The following BMAL2 variants were observed in gnomAD, a reference collection of about 807,000 sequenced individuals.
BMAL2 encodes the protein basic helix-loop-helix ARNT-like protein 2.
the BMAL2 span, among the ~76,000 whole-genome samples, chr12:27,345,174 A>G: frequency 0.46 from 69,273 of 151,984 alleles, 15,990 homozygotes; most frequent in Admixed American, 0.52. Context: ...CAATATGTTT[A>G]TAGATTTCCT....
At chr12:27,336,947 C>CAAAAAAAAAAAA in the BMAL2 span, among the ~76,000 whole-genome samples, 1 of 73,822 alleles carries the variant, frequency 1.4e-5, no homozygotes, top group African/African-American at 5.4e-5. Flanking sequence ...GAGACTGTCT[C>CAAAAAAAAAAAA]AAAAAAAAAA....
the BMAL2 span, among the ~76,000 whole-genome samples, chr12:27,352,043 C>T: frequency 6.6e-6 from 1 of 152,076 alleles, no homozygotes; most frequent in Non-Finnish European, 1.5e-5. Flanking sequence ...TTAGCTGTTC[C>T]CTTGTTTGTC....
the BMAL2 span, among the ~76,000 whole-genome samples, chr12:27,350,994 C>CCCCCCCCCT: frequency 1.1e-5 from 1 of 94,276 alleles, no homozygotes; most frequent in African/African-American, 4.3e-5. Flanking sequence ...CCCACCCCCC[C>CCCCCCCCCT]TTTTTTTTTT....
the BMAL2 span, among the ~76,000 whole-genome samples, chr12:27,402,342 C>T: frequency 2.0e-5 from 3 of 152,128 alleles, no homozygotes; most frequent in East Asian, 5.8e-4. Flanking sequence ...TTTCCTGTCA[C>T]CCATCCCAGT....
At chr12:27,344,302 G>A in the BMAL2 span, among the ~76,000 whole-genome samples, 12 of 152,198 alleles carry the variant, frequency 7.9e-5, no homozygotes, top group African/African-American at 2.9e-4. Context: ...GATCTTCTGG[G>A]AGGGAGTGTG....
the BMAL2 span, among the ~76,000 whole-genome samples, chr12:27,418,977 T>TA: frequency 0.04 from 5,886 of 147,454 alleles, 158 homozygotes; most frequent in East Asian, 0.12. Flanking sequence ...AGACTCCATC[T>TA]AAAAAAAAAA....
chr12:27,342,508 G>A, the BMAL2 span, among the ~76,000 whole-genome samples: 4 of 152,314 alleles, frequency 2.6e-5, no homozygotes, highest in South Asian at 6.2e-4. Flanking sequence ...TTGAATACTT[G>A]ACAGAGGGCA....
At chr12:27,372,321 A>G in the BMAL2 span, among the ~76,000 whole-genome samples, 8 of 151,702 alleles carry the variant, frequency 5.3e-5, no homozygotes, top group African/African-American at 1.9e-4. Flanking sequence ...AGTTTCATCC[A>G]TATTATAGTA....
At chr12:27,417,947 C>A in the BMAL2 span, 1 of 455,314 alleles carries the variant, frequency 2.2e-6, no homozygotes, top group South Asian at 5.7e-5. Context: ...GAACCGAGAT[C>A]ATGCCGCTGC....
the BMAL2 span, among the ~76,000 whole-genome samples, chr12:27,416,874 G>A: frequency 3.9e-3 from 596 of 152,274 alleles, 1 homozygote; most frequent in African/African-American, 0.013. Context: ...GAGTCAGGAG[G>A]ATCACTTGAG....
At chr12:27,362,753 C>T in the BMAL2 span, among the ~76,000 whole-genome samples, 19 of 151,972 alleles carry the variant, frequency 1.3e-4, no homozygotes, top group Non-Finnish European at 1.9e-4. Flanking sequence ...TTTTTAAAAA[C>T]ATGCAATGTG....
the BMAL2 span, among the ~76,000 whole-genome samples, chr12:27,362,986 G>A: frequency 5.3e-5 from 8 of 151,986 alleles, no homozygotes; most frequent in African/African-American, 1.9e-4. Context: ...AAATTTTTTT[G>A]TAGAGACAGC....
chr12:27,343,451 T>G, the BMAL2 span, among the ~76,000 whole-genome samples: 4 of 152,266 alleles, frequency 2.6e-5, no homozygotes, highest in African/African-American at 9.6e-5. Flanking sequence ...TGTGTAGAAT[T>G]TGGCATATCC....
At chr12:27,367,239 G>GTGGAT in the BMAL2 span, among the ~76,000 whole-genome samples, 3 of 148,134 alleles carry the variant, frequency 2.0e-5, no homozygotes, top group Admixed American at 6.8e-5. Context: ...AACCGAACCA[G>GTGGAT]CTACTAAGTG....
the BMAL2 span, among the ~76,000 whole-genome samples, chr12:27,348,677 AG>A: frequency 6.6e-6 from 1 of 152,194 alleles, no homozygotes; most frequent in African/African-American, 2.4e-5. Context: ...GACAGTAAAT[AG>A]GAAGAAATAG....
At chr12:27,370,127 A>G in the BMAL2 span, 1 of 1,612,008 alleles carries the variant, frequency 6.2e-7, no homozygotes, top group Non-Finnish European at 8.5e-7. Context: ...CCTTCCTTCC[A>G]GGTCAGGAAT....
At chr12:27,356,756 A>G in the BMAL2 span, among the ~76,000 whole-genome samples, 74 of 152,110 alleles carry the variant, frequency 4.9e-4, no homozygotes, top group African/African-American at 1.7e-3. Flanking sequence ...TTACGTAAGC[A>G]TTTATTTTTT....
chr12:27,414,123 C>G, the BMAL2 span, among the ~76,000 whole-genome samples: 1 of 152,100 alleles, frequency 6.6e-6, no homozygotes, highest in African/African-American at 2.4e-5. Flanking sequence ...GGGGTCAATT[C>G]AAGAGGATAT....
the BMAL2 span, among the ~76,000 whole-genome samples, chr12:27,356,084 G>C: frequency 2.0e-5 from 3 of 152,158 alleles, no homozygotes; most frequent in African/African-American, 7.2e-5. Flanking sequence ...CCCTGTCCAG[G>C]CTTAGCAGCT....
Sources: allele counts gnomAD v4.1 joint callset (sites outside exome capture counted in the v4.1 genomes callset), GRCh38; gene constraint gnomAD v4.1.1; transcripts MANE v1.5; gene names NCBI Gene and HGNC (gene_info 2026-07-23, HGNC 2026-07-21).